Variants in UBA6 observed in about 807,000 individuals in gnomAD.
UBA6 encodes ubiquitin-like modifier-activating enzyme 6.
A neutral mutation model predicts 148.3 loss-of-function variants in UBA6; 87 were observed. The ratio of observed to expected loss-of-function variants is 0.59; its 90% CI spans 0.49 to 0.70. UBA6 has a LOEUF of 0.70. Ranked by LOEUF, UBA6 falls within the 30% of genes least tolerant of loss-of-function variation. The pLI, the probability that UBA6 is intolerant of heterozygous loss-of-function variation, is 0.00. For missense variants in UBA6, 1,186 were observed against 1,241.2 expected (o/e 0.96, Z 0.67); for synonymous variants, 376 against 401.0 (o/e 0.94, Z 0.75).
Position 67,624,447 on chromosome 4 carries a change from C to T in UBA6, c.2713-194G>A, listed in dbSNP as rs571088057. On this transcript the variant is annotated intron_variant, in intron 29 of 32. Coordinates refer to ENST00000322244, the MANE Select transcript of UBA6 (RefSeq NM_018227.6). ...TATTTTATACTTTCAAACTTTCAAC[C>T]TACTCTATACATGTTAACAGTTATT... Among the ~76,000 whole-genome samples the T allele has an allele frequency of 3.3e-5, 5 of 152,116 alleles. No homozygotes were observed. In the South Asian group the frequency reaches 6.2e-4, roughly 19 times the overall value.
rs548576565 is a variant in UBA6, at chr4:67,637,126, G to A, written c.1737-1568C>T. Among the ~76,000 whole-genome samples the A allele has an allele frequency of 6.9e-4, 104 of 151,530 alleles. No homozygotes were observed. In the Middle Eastern group the frequency reaches 0.01, roughly 15 times the overall value. On this transcript the variant is annotated intron_variant, in intron 19 of 32. Coordinates refer to ENST00000322244, the MANE Select transcript of UBA6 (RefSeq NM_018227.6). ...AGCCCCTCCGCCCAGCAGCCACCCC[G>A]TCTGGGAAGTGAGGAGCGTCTCCGC... is the stretch of plus-strand genomic sequence containing the variant.
rs1434971298 is a variant in UBA6 at position 67,614,970 on chromosome 4, T to C, written c.*4027A>G. ...AAAAAATACTCAACTTCACAGGTAA[T>C]AGAGAAATGCAGAGTGACACTTCAA... On this transcript the variant is annotated 3_prime_UTR_variant, in exon 33 of 33. Transcript: ENST00000322244. 1 of 152,142 alleles carries C rather than the reference T, an allele frequency of 6.6e-6. No homozygotes were observed. Among genetic ancestry groups the C allele is most frequent in the Non-Finnish European group, 1.5e-5 (1 of 68,028 alleles). 9.4% of individuals were successfully genotyped at this position (152,142 alleles called of 1,614,324 possible). A position where few individuals can be genotyped will look rare whatever the true frequency, so the allele number is the denominator to read the frequency against.
At position 67,701,050 on chromosome 4, in the gene UBA6, T is replaced by C; in HGVS notation, c.70A>G (p.Ser24Gly). ...EASCSSWGTG[S>G]TNKNLPIMST... ...CCTTCGCCCTTCTCGTCCTCTCACC[T>C]GCCAGTCCCCCAGGAAGAACAGGAC... Residue 24 changes from serine (S) to glycine (G), a missense_variant and splice_region_variant, in exon 1 of 33, where the codon AGC becomes GGC. By Grantham distance (56) the Ser-to-Gly change is moderately conservative (BLOSUM62 0). Coordinates refer to ENST00000322244, the MANE Select transcript of UBA6 (RefSeq NM_018227.6). 1 of 1,613,770 alleles carries C rather than the reference T, an allele frequency of 6.2e-7. No homozygotes were observed.
chr4:67,618,102 C>T lies in UBA6; in HGVS notation c.*895G>A, dbSNP rs557522401. On this transcript the variant is annotated 3_prime_UTR_variant, in exon 33 of 33. Coordinates refer to ENST00000322244, the MANE Select transcript of UBA6 (RefSeq NM_018227.6). Reference sequence around the variant, plus strand: ...GGTTTCTGGAAAAAAAAAAGACTACCCTAGCAATAATTTTTAACATTCTAC... The same window carrying T: ...GGTTTCTGGAAAAAAAAAAGACTACTCTAGCAATAATTTTTAACATTCTAC... 2 of 150,070 alleles carry T rather than the reference C, an allele frequency of 1.3e-5. No individual in the cohort carries two copies. The highest frequency in any genetic ancestry group is 4.2e-4 in the South Asian group (2 of 4,732). 9.3% of individuals were successfully genotyped at this position (150,070 alleles called of 1,614,324 possible).
Position 67,638,979 on chromosome 4 carries a change from G to A in UBA6, c.1700C>T (p.Ala567Val), listed in dbSNP as rs1160675683. The A allele has an allele frequency of 1.2e-6, 2 of 1,611,046 alleles. No homozygotes were observed. The highest frequency in any genetic ancestry group is 2.7e-5 in the African/African-American group (2 of 74,824). ...FYTKQDVIITALDNVEARRYV... is the reference protein window; with the variant it reads ...FYTKQDVIITVLDNVEARRYV... ...TCTCCTGGCTTCCACATTATCTAAT[G>A]CTGTAATAATTACATCTTGTTTAGT... The change falls in exon 19 of 33, where the codon GCA becomes GTA. Residue 567 changes from alanine (A) to valine (V), a missense_variant. Coordinates refer to ENST00000322244, the MANE Select transcript of UBA6 (RefSeq NM_018227.6).
chr4:67,661,990 T>C, intron 13 of UBA6, 199 bp downstream of exon 13: 1 of 471,314 alleles, frequency 2.1e-6, no homozygotes, highest in Admixed American at 3.8e-5. Flanking sequence ...AATTAAATTA[T>C]TTAATGTTCA....
At chr4:67,673,804 C>G in intron 6 of UBA6, 27 bp from the exon 7 acceptor site, 1 of 1,492,188 alleles carries the variant, frequency 6.7e-7, no homozygotes, top group Non-Finnish European at 9.3e-7. Context: ...AAATTAAAAA[C>G]TAGAAAATAC....
chr4:67,657,055 T>G (rs1729716415), intron 13 of UBA6, among the ~76,000 whole-genome samples: 1 of 152,210 alleles, frequency 6.6e-6, no homozygotes. Flanking sequence ...TGGAAGAACA[T>G]TCCATGCTCA....
chr4:67,660,737 C>T (rs1729829445), intron 13 of UBA6, among the ~76,000 whole-genome samples: 1 of 152,190 alleles, frequency 6.6e-6, no homozygotes. Flanking sequence ...GTGCCACAGT[C>T]CTCCAGATCC....
intron 13 of UBA6, among the ~76,000 whole-genome samples, chr4:67,652,827 C>A (rs1369686907): frequency 1.3e-5 from 2 of 152,238 alleles, no homozygotes; most frequent in African/African-American, 4.8e-5. Flanking sequence ...CGCCCAAATA[C>A]TGCACTTTCC....
intron 6 of UBA6, among the ~76,000 whole-genome samples, 184 bp downstream of exon 6, chr4:67,677,427 G>T (rs949303463): frequency 2.0e-5 from 3 of 152,178 alleles, no homozygotes; most frequent in Non-Finnish European, 4.4e-5. Context: ...TACTTTGTCA[G>T]TAGTTCTTAG....
intron 2 of UBA6, among the ~76,000 whole-genome samples, chr4:67,682,562 G>A (rs772633488): frequency 1.7e-4 from 26 of 152,086 alleles, no homozygotes; most frequent in Non-Finnish European, 3.8e-4. Context: ...AAGCATTTGA[G>A]TTTGCCATTT....
intron 4 of UBA6, among the ~76,000 whole-genome samples, chr4:67,679,200 T>C (rs914852793): frequency 5.9e-5 from 9 of 152,138 alleles, no homozygotes; most frequent in Non-Finnish European, 1.3e-4. Flanking sequence ...TAAACATATA[T>C]ACCCACACAT....
At position 67,628,959 on chromosome 4, in the gene UBA6, CAA is replaced by C; in HGVS notation, c.2400+110_2400+111del. 20 of 751,204 alleles carry C rather than the reference CAA, an allele frequency of 2.7e-5. No individual in the cohort carries two copies. In the South Asian group the frequency reaches 2.7e-4, roughly 10 times the overall value. The allele number at this position is 751,204 out of a possible 1,614,324, so 46.5% of individuals were successfully genotyped here. ...CTACTTCAAACTCAAGTTGCACTGACAAGAGCAAGAGCAAGAACCATTCATTG... is the reference window on the plus strand; with the variant it reads ...CTACTTCAAACTCAAGTTGCACTGACGAGCAAGAGCAAGAACCATTCATTG... On this transcript the variant is annotated intron_variant, in intron 27 of 32. Coordinates refer to ENST00000322244, the MANE Select transcript of UBA6 (RefSeq NM_018227.6).
intron 2 of UBA6, among the ~76,000 whole-genome samples, chr4:67,687,321 A>G (rs1279373379): frequency 6.6e-6 from 1 of 152,144 alleles, no homozygotes; most frequent in African/African-American, 2.4e-5. Flanking sequence ...GGCGTCAGCC[A>G]CTGCACCCGA....
At position 67,623,297 on chromosome 4, in the gene UBA6, A is replaced by C. The variant is rs1577786358; in HGVS notation, c.2841-75T>G. ...TAGTGATGACACACACACAAAAAAA[A>C]CCCACTTTCAGAAGTCCATTATTTG... On this transcript the variant is annotated intron_variant, in intron 30 of 32. Coordinates refer to ENST00000322244, the MANE Select transcript of UBA6 (RefSeq NM_018227.6). 11 of 1,081,098 alleles carry C rather than the reference A, an allele frequency of 1.0e-5. No individual in the cohort carries two copies. The East Asian group carries it at 1.9e-4, about 19-fold the overall frequency. 67.0% of individuals were successfully genotyped at this position (1,081,098 alleles called of 1,614,324 possible). A position where few individuals can be genotyped will look rare whatever the true frequency, so the allele number is the denominator to read the frequency against.
intron 32 of UBA6, among the ~76,000 whole-genome samples, chr4:67,620,399 C>T (rs1318064379): frequency 5.3e-5 from 8 of 152,124 alleles, no homozygotes; most frequent in Admixed American, 2.0e-4. Flanking sequence ...TGAGTTAGCA[C>T]AATACTCTGT....
intron 8 of UBA6, among the ~76,000 whole-genome samples, chr4:67,669,239 C>A (rs1433431701): frequency 1.3e-5 from 2 of 152,148 alleles, no homozygotes; most frequent in African/African-American, 4.8e-5. Context: ...GTGTTTTTCT[C>A]AGGGACAAAC....
chr4:67,686,217 C>T (rs1023989487), intron 2 of UBA6, among the ~76,000 whole-genome samples: 3 of 152,158 alleles, frequency 2.0e-5, no homozygotes, highest in Non-Finnish European at 4.4e-5. Context: ...TCCCTTGGGG[C>T]CATAGAGAAC....
Sources: gnomAD v4.1 joint callset for allele counts (sites outside exome capture counted in the v4.1 genomes callset) on GRCh38, gnomAD v4.1.1 for gene constraint, MANE v1.5 for transcripts, NCBI Gene and HGNC (gene_info 2026-07-23, HGNC 2026-07-21) for gene names.